The following CIT variants were observed in gnomAD, a reference collection of about 807,000 sequenced individuals.
CIT encodes the protein citron Rho-interacting kinase.
Under a neutral mutation model 272.7 loss-of-function variants are expected in CIT, and 79 were observed. The ratio of observed to expected loss-of-function variants is 0.29; its 90% CI spans 0.24 to 0.35. CIT has a LOEUF of 0.35. CIT is among the 10% of genes least tolerant of loss of function. CIT has a pLI of 1.00. For synonymous variants in CIT, 948 were observed against 995.6 expected, an observed-to-expected ratio of 0.95 and a Z score of 0.90; for missense variants, 1,909 against 2,618.3, an observed-to-expected ratio of 0.73 and a Z score of 5.91.
At chr12:119,814,716 A>G (rs1593843484) in intron 9 of CIT, among the ~76,000 whole-genome samples, 2 of 152,164 alleles carry the variant, frequency 1.3e-5, no homozygotes, top group East Asian at 3.9e-4. Flanking sequence ...AGAACTTTAA[A>G]AGGCCCCAAA....
chr12:119,841,807 A>T (rs2138185477), intron 5 of CIT, among the ~76,000 whole-genome samples: 1 of 152,308 alleles, frequency 6.6e-6, no homozygotes, highest in Middle Eastern at 3.4e-3. Context: ...ATCCTAAGGA[A>T]GGGGGGAGTC....
intron 9 of CIT, among the ~76,000 whole-genome samples, chr12:119,805,817 G>C (rs1966561337): frequency 6.6e-6 from 1 of 152,098 alleles, no homozygotes; most frequent in African/African-American, 2.4e-5. Context: ...TAGAAAAAGG[G>C]GCAGATAATC....
chr12:119,849,102 C>T (rs1357084310), intron 5 of CIT, among the ~76,000 whole-genome samples: 1 of 152,156 alleles, frequency 6.6e-6, no homozygotes, highest in Non-Finnish European at 1.5e-5. Flanking sequence ...AACCATTTAA[C>T]ATTTCTTCCC....
intron 10 of CIT, among the ~76,000 whole-genome samples, chr12:119,802,523 C>T (rs762345310): frequency 1.3e-5 from 2 of 151,906 alleles, no homozygotes; most frequent in Non-Finnish European, 2.9e-5. Flanking sequence ...TTTTTTTCCC[C>T]CTATGAAGCC....
chr12:119,783,769 A>G, intron 12 of CIT, 139 bp downstream of exon 12: 2 of 1,081,552 alleles, frequency 1.8e-6, no homozygotes, highest in Non-Finnish European at 2.6e-6. Context: ...CAAAACACAG[A>G]TCTTGCTTTT....
intron 13 of CIT, chr12:119,782,074 CACTT>C: frequency 6.6e-6 from 1 of 152,486 alleles, no homozygotes; most frequent in Middle Eastern, 3.4e-3. Context: ...AAAAAAAAAA[CACTT>C]TATTTATGGA....
intron 5 of CIT, among the ~76,000 whole-genome samples, chr12:119,836,663 C>T (rs1225492448): frequency 3.3e-5 from 5 of 152,136 alleles, no homozygotes. Context: ...TGACGACACG[C>T]CACAGTTATA....
At chr12:119,816,007 G>A (rs1566083530) in intron 9 of CIT, among the ~76,000 whole-genome samples, 1 of 152,130 alleles carries the variant, frequency 6.6e-6, no homozygotes. Context: ...TGCCAACTTC[G>A]GGCTCCATGA....
intron 10 of CIT, among the ~76,000 whole-genome samples, chr12:119,789,290 C>G (rs1255576606): frequency 1.3e-5 from 2 of 152,284 alleles, no homozygotes; most frequent in African/African-American, 2.4e-5. Flanking sequence ...ATTGTATGAC[C>G]ATCCCCAGCA....
chr12:119,798,425 C>T (rs549862360), intron 10 of CIT, among the ~76,000 whole-genome samples: 1 of 152,304 alleles, frequency 6.6e-6, no homozygotes, highest in East Asian at 1.9e-4. Context: ...GCCTCAGTTT[C>T]CTCACATCCA....
chr12:119,754,197 G>A (rs1960640430), intron 22 of CIT, among the ~76,000 whole-genome samples: 1 of 152,176 alleles, frequency 6.6e-6, no homozygotes, highest in Non-Finnish European at 1.5e-5. Flanking sequence ...AGCAAACTGT[G>A]GCACTGAGAG....
At chr12:119,818,578 G>T (rs2138010442) in intron 9 of CIT, among the ~76,000 whole-genome samples, 2 of 152,336 alleles carry the variant, frequency 1.3e-5, no homozygotes, top group Middle Eastern at 6.8e-3. Context: ...CCACCACTGA[G>T]TCACTGCCGG....
At chr12:119,757,037 T>C (rs568298422) in intron 22 of CIT, among the ~76,000 whole-genome samples, 2 of 151,556 alleles carry the variant, frequency 1.3e-5, no homozygotes, top group South Asian at 4.2e-4. Flanking sequence ...CGAGAATCAC[T>C]TGAACCCAGG....
intron 4 of CIT, among the ~76,000 whole-genome samples, chr12:119,853,892 A>T (rs900888712): frequency 3.3e-5 from 5 of 152,064 alleles, no homozygotes; most frequent in African/African-American, 1.2e-4. Flanking sequence ...AAATAAATAA[A>T]ATAAGCAGTC....
intron 26 of CIT, among the ~76,000 whole-genome samples, chr12:119,731,853 T>G (rs2137230810): frequency 6.8e-6 from 1 of 147,818 alleles, no homozygotes; most frequent in South Asian, 2.1e-4. Context: ...TTTTTTTTTT[T>G]GAGATGGAGT....
Position 119,803,568 on chromosome 12 carries a change from C to A in CIT, c.1112-179G>T, listed in dbSNP as rs1366383618. ...CAACAAGAGATTAACCCCTTCTCTG[C>A]CAACATGGCCACCAACCCGCAGACA... On this transcript the variant is annotated intron_variant, in intron 9 of 47. Transcript: ENST00000392521. 2.9e-5 allele frequency: 13 copies of A among 454,822 alleles called. No homozygotes were observed. In the East Asian group the frequency reaches 4.4e-4, roughly 15 times the overall value. 28.2% of individuals were successfully genotyped at this position (454,822 alleles called of 1,614,324 possible). A position where few individuals can be genotyped will look rare whatever the true frequency, so the allele number is the denominator to read the frequency against.
intron 4 of CIT, among the ~76,000 whole-genome samples, chr12:119,855,767 G>A (rs1432054613): frequency 6.6e-6 from 1 of 152,172 alleles, no homozygotes; most frequent in African/African-American, 2.4e-5. Flanking sequence ...TCACCTGGAG[G>A]AAGGTATACC....
At position 119,712,346 on chromosome 12, in the gene CIT, A is replaced by G. The variant is rs548588963; in HGVS notation, c.4686T>C (p.Asp1562=). The G allele has an allele frequency of 8.3e-5, 133 of 1,607,966 alleles. No homozygotes were observed. The South Asian group carries it at 1.4e-3, about 17-fold the overall frequency. The change falls in exon 37 of 48, where the codon GAT becomes GAC. Residue 1562 remains aspartate, a splice_region_variant and synonymous_variant. Transcript: ENST00000392521. The surrounding 1 kb of genome is among the most constrained non-coding windows in gnomAD (Gnocchi z 5.2). The part of the protein sequence containing the change: ...ASELANTAKA[D]VPYILKMESH... ...ATTCCATCTTCAGTATGTATGGGAC[A>G]TCTAGGAGATTTCAGAGAGCACAGG...
rs779123743 is a variant in CIT, at chr12:119,757,354, T to C, written c.2706+17A>G. ...TCGCCCAGCAAATCCTCCCAGGAGA[T>C]GACTCCTCGCTCTCACCTCCCGCAA... On this transcript the variant is annotated intron_variant, in intron 22 of 47. Coordinates refer to ENST00000392521, the MANE Select transcript of CIT (RefSeq NM_001206999.2). 2 of 1,613,014 alleles carry C rather than the reference T, an allele frequency of 1.2e-6. No homozygotes were observed. Among genetic ancestry groups the C allele is most frequent in the Non-Finnish European group, 1.7e-6 (2 of 1,179,808 alleles).
Sources: gnomAD v4.1 joint callset for allele counts (sites outside exome capture counted in the v4.1 genomes callset) on GRCh38, gnomAD v4.1.1 for gene constraint, Gnocchi (gnomAD v3.1) non-coding constraint, MANE v1.5 for transcripts, NCBI Gene and HGNC (gene_info 2026-07-23, HGNC 2026-07-21) for gene names.